The following DEPTOR variants were observed in gnomAD, a reference collection of about 807,000 sequenced individuals.
DEPTOR encodes the protein DEP domain containing MTOR interacting protein, also known as DEP domain-containing mTOR-interacting protein.
A neutral mutation model predicts 41.6 loss-of-function variants in DEPTOR; 41 were observed. The observed-to-expected ratio is 0.98, with a 90% CI of 0.77 to 1.28. The LOEUF is 1.28. DEPTOR is among the 50% of genes most tolerant of loss of function. The pLI is 0.00. For missense variants in DEPTOR, 514 were observed against 527.9 expected (o/e 0.97, Z 0.26); for synonymous variants, 195 against 192.3 (o/e 1.01, Z -0.12).
At chr8:120,002,812 A>ATATATATATATATATATATATATATATG (rs71306853) in intron 5 of DEPTOR, among the ~76,000 whole-genome samples, 165 bp from the exon 6 acceptor site, 5 of 130,134 alleles carry the variant, frequency 3.8e-5, no homozygotes, top group Admixed American at 8.4e-5. Context: ...ATATATATAT[A>ATATATATATATATATATATATATATATG]ATATAAAGTA....
chr8:119,985,664 A>G (rs1424408507), intron 4 of DEPTOR, among the ~76,000 whole-genome samples: 1 of 151,986 alleles, frequency 6.6e-6, no homozygotes, highest in African/African-American at 2.4e-5. Context: ...AACTTGCTTT[A>G]TGAATCTCAG....
chr8:119,923,519 CGT>C (rs1411096277), intron 1 of DEPTOR, among the ~76,000 whole-genome samples: 2 of 152,094 alleles, frequency 1.3e-5, no homozygotes, highest in African/African-American at 2.4e-5. Flanking sequence ...TGAGATTATA[CGT>C]GTGAGCCACC....
rs756466885 is a variant in DEPTOR at position 119,923,726 on chromosome 8, T to G, written c.123-4674T>G. On this transcript the variant is annotated intron_variant, in intron 1 of 8. Transcript: ENST00000286234. ...TTATTTTATCTTTGAATCCTTATTT[T>G]CTTGACTTTATGTTCTTTTTAAATT... Among the ~76,000 whole-genome samples, 6 of 152,166 alleles carry G rather than the reference T, an allele frequency of 3.9e-5. 1 individual carries two copies. Among genetic ancestry groups the G allele is most frequent in the Non-Finnish European group, 8.8e-5 (6 of 68,028 alleles).
At chr8:120,019,140 A>G (rs1161085857) in intron 8 of DEPTOR, among the ~76,000 whole-genome samples, 2 of 151,952 alleles carry the variant, frequency 1.3e-5, no homozygotes, top group African/African-American at 4.8e-5. Context: ...CCCCGTCTCT[A>G]CTGAGAATAC....
chr8:120,043,007 T>A (rs1463371969), intron 8 of DEPTOR, among the ~76,000 whole-genome samples: 2 of 152,032 alleles, frequency 1.3e-5, no homozygotes, highest in Admixed American at 6.6e-5. Flanking sequence ...TGTACCACCA[T>A]GCCTGGCTAA....
intron 3 of DEPTOR, among the ~76,000 whole-genome samples, chr8:119,942,302 T>G (rs1459743857): frequency 6.6e-6 from 1 of 152,170 alleles, no homozygotes; most frequent in Non-Finnish European, 1.5e-5. Context: ...TCCTGGTGAG[T>G]TCGAGCAATT....
intron 1 of DEPTOR, among the ~76,000 whole-genome samples, chr8:119,922,538 C>T (rs887101816): frequency 3.9e-5 from 6 of 152,160 alleles, no homozygotes; most frequent in Non-Finnish European, 7.3e-5. Flanking sequence ...ATGACTTTAG[C>T]ACACCGTATG....
At position 120,018,840 on chromosome 8, in the gene DEPTOR, T is replaced by A. The variant is rs559327806; in HGVS notation, c.1101+9707T>A. Among the ~76,000 whole-genome samples, 87 of 152,274 alleles carry A rather than the reference T, an allele frequency of 5.7e-4. 1 individual carries two copies. Among genetic ancestry groups the A allele is most frequent in the African/African-American group, 2.0e-3 (85 of 41,558 alleles). On this transcript the variant is annotated intron_variant, in intron 8 of 8. Transcript: ENST00000286234. ...CAGAGCCCTTTTCTGCTCTGTGTCC[T>A]TCCTTTGCAGGGATTCTTCTGTGCC...
intron 4 of DEPTOR, among the ~76,000 whole-genome samples, chr8:119,966,767 A>C (rs1379327865): frequency 6.6e-6 from 1 of 152,192 alleles, no homozygotes; most frequent in Non-Finnish European, 1.5e-5. Flanking sequence ...GTGAACAACC[A>C]TGCCGGGCCC....
At chr8:119,882,166 C>A (rs960410351) in intron 1 of DEPTOR, among the ~76,000 whole-genome samples, 10 of 152,232 alleles carry the variant, frequency 6.6e-5, no homozygotes, top group African/African-American at 2.4e-4. Context: ...GCTGGGATTA[C>A]AGGGATGAGC....
In DEPTOR at chr8:119,939,912, A is replaced by T. The variant is rs185202009; in HGVS notation, c.425+9974A>T. Among the ~76,000 whole-genome samples, 8 of 152,288 alleles carry T rather than the reference A, an allele frequency of 5.3e-5. No homozygotes were observed. In the East Asian group the frequency reaches 1.4e-3, roughly 26 times the overall value. ...ATGACAAATGGTATAGAAGTGTCTT[A>T]AAAAAGTAAACATGTAATTACCAGG... On this transcript the variant is annotated intron_variant, in intron 3 of 8. Transcript: ENST00000286234.
chr8:120,021,144 C>CGCCT (rs34995621), intron 8 of DEPTOR, among the ~76,000 whole-genome samples: 122,766 of 151,170 alleles, frequency 0.81, 49,932 homozygotes, highest in African/African-American at 0.83. Context: ...CGGTGGCTCA[C>CGCCT]ATAATCCTAG....
chr8:119,930,029 T>G, intron 3 of DEPTOR, 91 bp downstream of exon 3: 1 of 1,455,518 alleles, frequency 6.9e-7, no homozygotes, highest in East Asian at 2.4e-5. Flanking sequence ...CAGCGTGGCT[T>G]TTCTATGTGG....
In DEPTOR at chr8:119,917,643, C is replaced by T. The variant is rs139765610; in HGVS notation, c.123-10757C>T. On this transcript the variant is annotated intron_variant, in intron 1 of 8. Transcript: ENST00000286234. Reference sequence around the variant, plus strand: ...AGCCAGGTATTGTCCAAGGTTTCTCCCCATGTGATAGTCTGAAATATGGCC... The same window carrying T: ...AGCCAGGTATTGTCCAAGGTTTCTCTCCATGTGATAGTCTGAAATATGGCC... 4.8e-3 allele frequency among the ~76,000 whole-genome samples: 728 copies of T among 152,276 alleles called. 6 individuals carry two copies. The highest frequency in any genetic ancestry group is 0.016 in the African/African-American group (663 of 41,556).
intron 7 of DEPTOR, 50 bp downstream of exon 7, chr8:120,006,925 C>T (rs1265295359): frequency 1.3e-6 from 2 of 1,564,146 alleles, no homozygotes; most frequent in Admixed American, 1.7e-5. Context: ...TTTTTCTGCA[C>T]CGTGTCCATG....
intron 8 of DEPTOR, among the ~76,000 whole-genome samples, chr8:120,013,553 G>C (rs1163985830): frequency 6.6e-6 from 1 of 152,204 alleles, no homozygotes; most frequent in Non-Finnish European, 1.5e-5. Flanking sequence ...GTCCTGGGGT[G>C]CCCTGTGGGA....
intron 3 of DEPTOR, among the ~76,000 whole-genome samples, chr8:119,962,440 A>G (rs555319260): frequency 5.9e-5 from 9 of 151,738 alleles, no homozygotes; most frequent in Admixed American, 5.9e-4. Flanking sequence ...TCAAGTAGGC[A>G]TGGGAGGGTG....
intron 3 of DEPTOR, among the ~76,000 whole-genome samples, chr8:119,951,076 C>CACAT (rs1554675795): frequency 2.6e-5 from 4 of 151,524 alleles, no homozygotes; most frequent in African/African-American, 9.7e-5. Context: ...CACACAAACA[C>CACAT]ACACACACAC....
intron 3 of DEPTOR, among the ~76,000 whole-genome samples, chr8:119,944,190 G>A (rs909810458): frequency 6.6e-6 from 1 of 152,148 alleles, no homozygotes; most frequent in Non-Finnish European, 1.5e-5. Flanking sequence ...ATTTCTGGCT[G>A]GGAGCCTGTG....
Sources: allele counts gnomAD v4.1 joint callset (sites outside exome capture counted in the v4.1 genomes callset), GRCh38; gene constraint gnomAD v4.1.1; transcripts MANE v1.5; gene names NCBI Gene and HGNC (gene_info 2026-07-23, HGNC 2026-07-21).